Variants in ERBB4 observed in about 807,000 individuals in gnomAD.
ERBB4 encodes the protein erb-b2 receptor tyrosine kinase 4, also known as receptor tyrosine-protein kinase erbB-4.
In ERBB4, 42 loss-of-function variants were observed where a neutral mutation model predicts 158.0. The ratio of observed to expected loss-of-function variants is 0.27; its 90% confidence interval spans 0.21 to 0.34. The LOEUF (loss-of-function observed/expected upper bound fraction) is 0.34, where lower values mean the gene tolerates loss of function less well. ERBB4 is among the 10% of genes least tolerant of loss of function. The pLI is 1.00. For synonymous variants in ERBB4, 583 were observed against 558.7 expected (o/e 1.04, Z -0.61); for missense variants, 1,333 against 1,624.1 (o/e 0.82, Z 3.08).
At chr2:212,439,318 C>T (rs564170319) in intron 1 of ERBB4, among the ~76,000 whole-genome samples, 6 of 152,248 alleles carry the variant, frequency 3.9e-5, no homozygotes, top group South Asian at 2.1e-4. Flanking sequence ...CTCACTTCTA[C>T]GTTTGCAATA....
At chr2:211,729,495 G>GT (rs2074366434) in intron 5 of ERBB4, among the ~76,000 whole-genome samples, 1 of 151,346 alleles carries the variant, frequency 6.6e-6, no homozygotes, top group Non-Finnish European at 1.5e-5. Context: ...CAGTAATGGG[G>GT]TTAAAAAAAA....
chr2:211,677,348 T>C (rs1484134227), intron 13 of ERBB4, among the ~76,000 whole-genome samples: 1 of 148,892 alleles, frequency 6.7e-6, no homozygotes, highest in Non-Finnish European at 1.5e-5. Context: ...GCAGATCACC[T>C]GAGGTCAGGA....
chr2:211,377,542 G>T lies in ERBB4; in HGVS notation c.*6073C>A, dbSNP rs2062497535. The T allele has an allele frequency of 4.3e-6, 1 of 232,464 alleles. No individual in the cohort carries two copies. The highest frequency in any genetic ancestry group is 8.5e-6 in the Non-Finnish European group (1 of 117,542). 14.4% of individuals were successfully genotyped at this position (232,464 alleles called of 1,614,324 possible). A position where few individuals can be genotyped will look rare whatever the true frequency, so the allele number is the denominator to read the frequency against. ...CATTAACATGAACTGTCCTCATTAT[G>T]TATTTGTTAGATGGATGAATGATCC... is the stretch of plus-strand genomic sequence containing the variant. On this transcript the variant is annotated 3_prime_UTR_variant, in exon 28 of 28. Coordinates refer to ENST00000342788, the MANE Select transcript of ERBB4 (RefSeq NM_005235.3).
chr2:212,341,052 A>C (rs1326671578), intron 1 of ERBB4, among the ~76,000 whole-genome samples: 1 of 152,118 alleles, frequency 6.6e-6, no homozygotes, highest in African/African-American at 2.4e-5. Flanking sequence ...GTTATTTAAT[A>C]AAATATTTAA....
At position 211,407,773 on chromosome 2, in the gene ERBB4, C is replaced by G. The variant is rs149459538; in HGVS notation, c.3135+12668G>C. On this transcript the variant is annotated intron_variant, in intron 25 of 27. Transcript: ENST00000342788. ...CACGCTGCTATGTCAGAATTCTGAA[C>G]TGAAAAGAGAACTTTTCATTTGGGC... Among the ~76,000 whole-genome samples the G allele has an allele frequency of 1.1e-3, 161 of 152,260 alleles. 2 individuals carry two copies. The highest frequency in any genetic ancestry group is 3.4e-3 in the Middle Eastern group (1 of 294).
At chr2:212,341,139 T>C (rs577935378) in intron 1 of ERBB4, among the ~76,000 whole-genome samples, 13 of 151,948 alleles carry the variant, frequency 8.6e-5, no homozygotes, top group Non-Finnish European at 1.6e-4. Context: ...CAGAATTCTT[T>C]GTGGGAATTA....
At chr2:212,409,460 G>A (rs1005833827) in intron 1 of ERBB4, among the ~76,000 whole-genome samples, 1 of 151,990 alleles carries the variant, frequency 6.6e-6, no homozygotes, top group African/African-American at 2.4e-5. Context: ...CTATATGTAA[G>A]TATGATTGTA....
chr2:212,246,611 A>C (rs1260616491), intron 1 of ERBB4, among the ~76,000 whole-genome samples: 1 of 152,200 alleles, frequency 6.6e-6, no homozygotes, highest in African/African-American at 2.4e-5. Context: ...GTAGCTTAAA[A>C]ATAAGTGGTG....
Position 211,380,018 on chromosome 2 carries a change from T to A in ERBB4, c.*3597A>T, listed in dbSNP as rs2062548144. Reference sequence around the variant, plus strand: ...TGTCTTTCCTTTAGAAGGTATTAGCTCACACACTATAACACTTAAACACTA... The same window carrying A: ...TGTCTTTCCTTTAGAAGGTATTAGCACACACACTATAACACTTAAACACTA... On this transcript the variant is annotated 3_prime_UTR_variant, in exon 28 of 28. Coordinates refer to ENST00000342788, the MANE Select transcript of ERBB4 (RefSeq NM_005235.3). 1 of 208,584 alleles carries A rather than the reference T, an allele frequency of 4.8e-6. No individual in the cohort carries two copies. The highest frequency in any genetic ancestry group is 6.9e-5 in the Admixed American group (1 of 14,394). The allele number at this position is 208,584 out of a possible 1,614,324, so 12.9% of individuals were successfully genotyped here.
At chr2:212,168,750 G>C (rs1402765) in intron 1 of ERBB4, among the ~76,000 whole-genome samples, 4 of 151,922 alleles carry the variant, frequency 2.6e-5, no homozygotes, top group Admixed American at 6.6e-5. Context: ...AGGACATTCA[G>C]GTAAGAGAAA....
At chr2:211,715,263 G>T (rs1487698371) in intron 7 of ERBB4, among the ~76,000 whole-genome samples, 1 of 152,126 alleles carries the variant, frequency 6.6e-6, no homozygotes, top group Admixed American at 6.5e-5. Context: ...ACAAAGTATG[G>T]AAAAATTTGC....
At chr2:211,417,241 G>T (rs375521391) in intron 25 of ERBB4, among the ~76,000 whole-genome samples, 3 of 152,080 alleles carry the variant, frequency 2.0e-5, no homozygotes, top group Non-Finnish European at 4.4e-5. Context: ...GGGAGGCCAC[G>T]GTGGGTGGAT....
intron 5 of ERBB4, among the ~76,000 whole-genome samples, chr2:211,749,612 T>C (rs13022529): frequency 0.28 from 42,649 of 152,076 alleles, 7,062 homozygotes; most frequent in Middle Eastern, 0.37. Flanking sequence ...AGAAATCATT[T>C]ATCATTGGAA....
At chr2:212,252,527 T>C (rs1394786739) in intron 1 of ERBB4, among the ~76,000 whole-genome samples, 3 of 152,054 alleles carry the variant, frequency 2.0e-5, no homozygotes, top group Non-Finnish European at 4.4e-5. Flanking sequence ...ACTGGCTGAC[T>C]GGAGTGATTT....
At chr2:212,255,327 G>A (rs543364040) in intron 1 of ERBB4, among the ~76,000 whole-genome samples, 1 of 152,148 alleles carries the variant, frequency 6.6e-6, no homozygotes, top group East Asian at 1.9e-4. Flanking sequence ...CCTTTTTAAA[G>A]TGGCTAATTC....
At chr2:211,780,152 A>G (rs576024747) in intron 4 of ERBB4, among the ~76,000 whole-genome samples, 1 of 152,232 alleles carries the variant, frequency 6.6e-6, no homozygotes, top group Admixed American at 6.5e-5. Flanking sequence ...ACTTGTGCCC[A>G]GAAGTTGGAG....
At chr2:212,100,399 A>C (rs768040685) in intron 2 of ERBB4, among the ~76,000 whole-genome samples, 3 of 152,198 alleles carry the variant, frequency 2.0e-5, no homozygotes, top group Non-Finnish European at 4.4e-5. Flanking sequence ...ACTATACCTG[A>C]TACAAGAAAT....
chr2:212,239,293 T>C (rs1168754827), intron 1 of ERBB4, among the ~76,000 whole-genome samples: 2 of 152,180 alleles, frequency 1.3e-5, no homozygotes, highest in Admixed American at 6.6e-5. Context: ...TCCTCCTGTC[T>C]CAGCATCCTG....
At chr2:211,907,002 T>C (rs557277195) in intron 3 of ERBB4, among the ~76,000 whole-genome samples, 31 of 151,726 alleles carry the variant, frequency 2.0e-4, no homozygotes, top group African/African-American at 3.6e-4. Flanking sequence ...AAAATAATGA[T>C]ATTTGTGTTC....
Sources: gnomAD v4.1 joint callset for allele counts (sites outside exome capture counted in the v4.1 genomes callset) on GRCh38, gnomAD v4.1.1 for gene constraint, MANE v1.5 for transcripts, NCBI Gene and HGNC (gene_info 2026-07-23, HGNC 2026-07-21) for gene names.